The following CDK13 variants were observed in gnomAD, a reference collection of about 807,000 sequenced individuals.
CDK13 encodes the protein cyclin dependent kinase 13.
A neutral mutation model predicts 137.6 loss-of-function variants in CDK13; 40 were observed. The ratio of observed to expected loss-of-function variants is 0.29; its 90% CI spans 0.23 to 0.38. CDK13 has a LOEUF of 0.38. Ranked by LOEUF, CDK13 falls within the 10% of genes least tolerant of loss-of-function variation. CDK13 has a pLI of 1.00. For missense variants in CDK13, 1,704 were observed against 1,951.8 expected, an observed-to-expected ratio of 0.87 and a Z score of 2.39; for synonymous variants, 869 against 760.1, an observed-to-expected ratio of 1.14 and a Z score of -2.36.
rs1554326369 is a variant in CDK13, at chr7:39,996,983, A to AG, written c.1872-511_1872-510insG. Among the ~76,000 whole-genome samples the AG allele has an allele frequency of 9.9e-4, 140 of 141,426 alleles. 7 individuals are homozygous for AG. The highest frequency in any genetic ancestry group is 3.3e-3 in the African/African-American group (110 of 33,542). The allele number at this position is 141,426 out of a possible 152,430, so 92.8% of individuals were successfully genotyped here. Reference sequence around the variant, plus strand: ...TCTCAAAAAAAAAAAAAAAGAAAAAAAAAAAGAAAAATGCTTTGCAAAACT... The same window carrying AG: ...TCTCAAAAAAAAAAAAAAAGAAAAAAGAAAAAGAAAAATGCTTTGCAAAACT... On this transcript the variant is annotated intron_variant, in intron 2 of 13. Coordinates refer to ENST00000181839, the MANE Select transcript of CDK13 (RefSeq NM_003718.5).
At position 39,950,953 on chromosome 7, in the gene CDK13, G is replaced by A. The variant is rs17496123; in HGVS notation, c.312G>A (p.Lys104=). The A allele has an allele frequency of 1.2e-4, 161 of 1,312,858 alleles. 4 individuals are homozygous for A. In the South Asian group the frequency reaches 3.3e-3, roughly 27 times the overall value. 81.3% of individuals were successfully genotyped at this position (1,312,858 alleles called of 1,614,324 possible). Residue 104 remains lysine, a synonymous_variant, in exon 1 of 14, where the codon AAG becomes AAA. Coordinates refer to ENST00000181839, the MANE Select transcript of CDK13 (RefSeq NM_003718.5). The stretch of plus-strand genomic sequence containing the variant: ...AGAGGCGCGCAGGAGGGCGGCAGAA[G>A]CGGCGTCGCGGGCCCCGCGCCGGGC... ...RGKRRAGGRQ[K]RRRGPRAGQE...
At chr7:40,024,196 T>C (rs2150499163) in intron 5 of CDK13, among the ~76,000 whole-genome samples, 1 of 152,286 alleles carries the variant, frequency 6.6e-6, no homozygotes, top group African/African-American at 2.4e-5. Context: ...TTTCAACTGC[T>C]TCCCTCTCCA....
intron 1 of CDK13, among the ~76,000 whole-genome samples, chr7:39,959,543 T>G (rs562693745): frequency 6.6e-6 from 1 of 151,648 alleles, no homozygotes; most frequent in Admixed American, 6.6e-5. Flanking sequence ...ATCTGCTCAC[T>G]GCAACCTCCA....
chr7:39,970,206 T>C (rs975706264), intron 1 of CDK13, among the ~76,000 whole-genome samples: 2 of 151,820 alleles, frequency 1.3e-5, no homozygotes, highest in African/African-American at 4.8e-5. Context: ...GGTTTCACCA[T>C]GTTGGCCAGG....
At position 40,014,937 on chromosome 7, in the gene CDK13, A is replaced by G. The variant is rs548956378; in HGVS notation, c.2353+12906A>G. On this transcript the variant is annotated intron_variant, in intron 5 of 13. Coordinates refer to ENST00000181839, the MANE Select transcript of CDK13 (RefSeq NM_003718.5). ...TTTTCTGGCTCTCAGTGTTTTTCTT[A>G]TGTTAGTGATCAATAAATTTTTTTG... Among the ~76,000 whole-genome samples, 21 of 152,228 alleles carry G rather than the reference A, an allele frequency of 1.4e-4. No homozygotes were observed. The South Asian group carries it at 4.1e-3, about 30-fold the overall frequency.
Position 39,987,823 on chromosome 7 carries a change from C to G in CDK13, c.1436C>G (p.Ala479Gly), listed in dbSNP as rs752842739. The change falls in exon 2 of 14, where the codon GCT (alanine) becomes GGT (glycine). Residue 479 changes from alanine to glycine, a missense_variant. Coordinates refer to ENST00000181839, the MANE Select transcript of CDK13 (RefSeq NM_003718.5). Reference protein sequence around the residue: ...EAAKAAEATKAAEAAAKAAKA... With the variant: ...EAAKAAEATKGAEAAAKAAKA... ...GCGAAAGCTGCAGAAGCAACTAAGG[C>G]TGCTGAGGCTGCTGCCAAGGCTGCA... The G allele has an allele frequency of 6.2e-7, 1 of 1,614,114 alleles. No homozygotes were observed. Among genetic ancestry groups the G allele is most frequent in the South Asian group, 1.1e-5 (1 of 91,048 alleles).
chr7:39,997,760 A>C, intron 3 of CDK13, 96 bp downstream of exon 3: 1 of 895,176 alleles, frequency 1.1e-6, no homozygotes. Context: ...TAAAATAAAA[A>C]ATGTACTTAT....
At position 40,092,914 on chromosome 7, in the gene CDK13, C is replaced by T. The variant is rs572235877; in HGVS notation, c.3365C>T (p.Thr1122Ile). 1.9e-6 allele frequency: 3 copies of T among 1,614,152 alleles called. No individual in the cohort carries two copies. The highest frequency in any genetic ancestry group is 4.5e-5 in the East Asian group (2 of 44,892). The change falls in exon 13 of 14, where the codon ACT becomes ATT. Residue 1122 changes from threonine to isoleucine, a missense_variant. Physicochemically the swap from Thr to Ile is moderately conservative, Grantham distance 89. Coordinates refer to ENST00000181839, the MANE Select transcript of CDK13 (RefSeq NM_003718.5). ...QVLNIKVNSETQQQLNKINLP... is the reference protein window; with the variant it reads ...QVLNIKVNSEIQQQLNKINLP... The stretch of plus-strand genomic sequence containing the variant: ...TTGAACATTAAGGTAAACTCTGAGA[C>T]TCAACAGCAGCTAAATAAAATAAAC...
At chr7:40,031,380 G>C (rs1316676109) in intron 5 of CDK13, among the ~76,000 whole-genome samples, 1 of 152,054 alleles carries the variant, frequency 6.6e-6, no homozygotes, top group African/African-American at 2.4e-5. Context: ...AAAATAACTT[G>C]ACGTGGTGGC....
At chr7:40,019,461 AG>A (rs1785068280) in intron 5 of CDK13, among the ~76,000 whole-genome samples, 1 of 152,190 alleles carries the variant, frequency 6.6e-6, no homozygotes, top group Admixed American at 6.5e-5. Context: ...TGAAATTTGT[AG>A]GGGTGGCCAG....
chr7:40,076,640 G>A (rs1786550723), intron 9 of CDK13, among the ~76,000 whole-genome samples: 1 of 151,224 alleles, frequency 6.6e-6, no homozygotes, highest in African/African-American at 2.5e-5. Context: ...TTAAAGCTTG[G>A]GTTTATAAAA....
rs1446686528 is a variant in CDK13 at position 39,966,027 on chromosome 7, C to G, written c.1211+14175C>G. ...GGCTTCCCTTTGTGGGTAACCCGAC[C>G]TTTCTCTCTGGCTGCCCTTAACATT... On this transcript the variant is annotated intron_variant, in intron 1 of 13. Transcript: ENST00000181839. Among the ~76,000 whole-genome samples the G allele has an allele frequency of 5.9e-5, 9 of 152,264 alleles. No homozygotes were observed. The East Asian group carries it at 1.7e-3, about 29-fold the overall frequency.
In CDK13 at chr7:39,951,638, CAG is replaced by C. The variant is rs1787214970; in HGVS notation, c.1000_1001del (p.Ser334ProfsTer51). On this transcript the variant is annotated frameshift_variant, in exon 1 of 14. Transcript: ENST00000181839. LOFTEE classifies it high-confidence loss of function. ...DDSPVSHRAS[Q>X]SLRSRKSPSP... ...CAGCCCGGTGTCCCACAGGGCCTCT[CAG>C]AGCCTGAGGAGCCGCAAGTCCCCCA... 6.8e-7 allele frequency: 1 copy of C among 1,480,574 alleles called. No individual in the cohort carries two copies. Among genetic ancestry groups the C allele is most frequent in the Non-Finnish European group, 8.9e-7 (1 of 1,119,794 alleles). The allele number at this position is 1,480,574 out of a possible 1,614,324, so 91.7% of individuals were successfully genotyped here.
intron 7 of CDK13, among the ~76,000 whole-genome samples, chr7:40,057,960 A>G (rs1786057544): frequency 6.6e-6 from 1 of 152,234 alleles, no homozygotes; most frequent in Non-Finnish European, 1.5e-5. Flanking sequence ...TAGGCAATGC[A>G]TATGTAGGGT....
At position 39,999,341 on chromosome 7, in the gene CDK13, T is replaced by G; in HGVS notation, c.2043-20T>G. On this transcript the variant is annotated intron_variant, in intron 3 of 13. Coordinates refer to ENST00000181839, the MANE Select transcript of CDK13 (RefSeq NM_003718.5). ...AATTTGCTTGATTGTATATAAAAAC[T>G]TTAGAACTATATTTGATAGAATATG... 4.4e-6 allele frequency: 7 copies of G among 1,585,720 alleles called. No individual in the cohort carries two copies. The highest frequency in any genetic ancestry group is 6.0e-6 in the Non-Finnish European group (7 of 1,168,182).
intron 9 of CDK13, chr7:40,067,448 G>A (rs771898276): frequency 1.3e-5 from 2 of 152,344 alleles, no homozygotes; most frequent in Non-Finnish European, 2.9e-5. Flanking sequence ...GGAGGCTGAG[G>A]CATGAGAATT....
At chr7:40,065,100 A>T (rs576172975) in intron 9 of CDK13, among the ~76,000 whole-genome samples, 2 of 151,142 alleles carry the variant, frequency 1.3e-5, no homozygotes, top group East Asian at 3.9e-4. Flanking sequence ...ATTGTGCAAT[A>T]GACAAGTAAA....
Position 40,092,788 on chromosome 7 carries a change from A to G in CDK13, c.3239A>G (p.Lys1080Arg), listed in dbSNP as rs761166471. The change falls in exon 13 of 14, where the codon AAA (lysine) becomes AGA (arginine). Residue 1080 changes from lysine (K) to arginine (R), a missense_variant. Lys to Arg is a conservative substitution (Grantham distance 26). This residue lies in a region of CDK13 where 475 missense variants were observed against 579.3 expected (regional missense o/e 0.82). Transcript: ENST00000181839. ...SQGSSNVAPV[K>R]TGPGQHLNHS... ...ATTAATATAATTTTGTCTTTAGTAA[A>G]AACAGGCCCTGGACAGCACTTAAAC... 7 of 1,610,080 alleles carry G rather than the reference A, an allele frequency of 4.3e-6. No homozygotes were observed. In the South Asian group the frequency reaches 6.6e-5, roughly 15 times the overall value.
chr7:40,032,268 G>A (rs1282371155), intron 5 of CDK13, among the ~76,000 whole-genome samples: 1 of 152,128 alleles, frequency 6.6e-6, no homozygotes, highest in Non-Finnish European at 1.5e-5. Context: ...ACAGGGTTTT[G>A]CCACGTTGCC....
Sources: gnomAD v4.1 joint callset for allele counts (sites outside exome capture counted in the v4.1 genomes callset) on GRCh38, gnomAD v4.1.1 for gene constraint, gnomAD v4.1.1 regional missense constraint, MANE v1.5 for transcripts, NCBI Gene and HGNC (gene_info 2026-07-23, HGNC 2026-07-21) for gene names.